The following SIL1 variants were observed in gnomAD, a reference collection of about 807,000 sequenced individuals.
SIL1 encodes the protein SIL1 nucleotide exchange factor.
A neutral mutation model predicts 49.1 loss-of-function variants in SIL1; 40 were observed. The observed-to-expected ratio is 0.81, with a 90% CI of 0.63 to 1.06. The LOEUF is 1.06. Ranked by LOEUF, SIL1 falls within the 50% of genes least tolerant of loss-of-function variation. SIL1 has a pLI of 0.00. For missense variants in SIL1, 500 were observed against 572.6 expected (o/e 0.87, Z 1.29); for synonymous variants, 253 against 250.8 (o/e 1.01, Z -0.08).
chr5:138,977,399 G>A (rs1767416940), intron 7 of SIL1, among the ~76,000 whole-genome samples: 1 of 152,098 alleles, frequency 6.6e-6, no homozygotes, highest in African/African-American at 2.4e-5. Flanking sequence ...AAGATAACAA[G>A]GTAGGCAGTG....
intron 1 of SIL1, among the ~76,000 whole-genome samples, chr5:139,169,606 C>A (rs1416913384): frequency 6.6e-6 from 1 of 151,754 alleles, no homozygotes; most frequent in Non-Finnish European, 1.5e-5. Context: ...CTCAGCCTCC[C>A]GAGTAGCTGG....
chr5:139,191,273 ACTT>A (rs1288471782), intron 1 of SIL1, among the ~76,000 whole-genome samples: 9 of 150,720 alleles, frequency 6.0e-5, no homozygotes, highest in Non-Finnish European at 1.0e-4. Context: ...CTTACAACTT[ACTT>A]ATGAGCTGGC....
chr5:139,122,701 G>C (rs565500974), intron 2 of SIL1, among the ~76,000 whole-genome samples: 9 of 152,226 alleles, frequency 5.9e-5, no homozygotes, highest in Non-Finnish European at 1.2e-4. Flanking sequence ...TAAGGTGCTG[G>C]TGATGCCAAT....
At chr5:139,062,292 T>C (rs1769608542) in intron 3 of SIL1, among the ~76,000 whole-genome samples, 1 of 152,186 alleles carries the variant, frequency 6.6e-6, no homozygotes, top group South Asian at 2.1e-4. Context: ...ATCATAGTCA[T>C]ATTTATGTAT....
chr5:139,062,533 G>C (rs10051381), intron 3 of SIL1, among the ~76,000 whole-genome samples: 22,680 of 151,888 alleles, frequency 0.15, 4,526 homozygotes, highest in African/African-American at 0.46. Flanking sequence ...CCATACCCTT[G>C]CACCACTACC....
intron 3 of SIL1, among the ~76,000 whole-genome samples, chr5:139,058,228 C>T (rs914181837): frequency 4.6e-5 from 7 of 151,786 alleles, no homozygotes; most frequent in South Asian, 2.1e-4. Context: ...CCATAGAAAC[C>T]GTAGATTAAT....
At chr5:139,194,876 A>C (rs572500089) in intron 1 of SIL1, among the ~76,000 whole-genome samples, 1 of 152,116 alleles carries the variant, frequency 6.6e-6, no homozygotes, top group South Asian at 2.1e-4. Context: ...ATCCACAAGT[A>C]TGTGAAAAAG....
chr5:139,021,635 G>A (rs1036666168), intron 6 of SIL1, among the ~76,000 whole-genome samples: 3 of 152,238 alleles, frequency 2.0e-5, no homozygotes, highest in Admixed American at 6.5e-5. Context: ...AGAATCTGGC[G>A]TCATCAGCAC....
intron 1 of SIL1, among the ~76,000 whole-genome samples, chr5:139,170,867 T>G: frequency 7.7e-6 from 1 of 130,276 alleles, no homozygotes; most frequent in Non-Finnish European, 1.6e-5. Context: ...GTCCGGGAGG[T>G]GAGGGGCGCC....
intron 7 of SIL1, among the ~76,000 whole-genome samples, chr5:138,976,309 T>C (rs1168518497): frequency 6.8e-6 from 1 of 147,070 alleles, no homozygotes; most frequent in African/African-American, 2.6e-5. Context: ...ATATTACCTC[T>C]CTTTTTTTTT....
chr5:139,128,341 C>T (rs961182301), intron 1 of SIL1, among the ~76,000 whole-genome samples: 1 of 152,160 alleles, frequency 6.6e-6, no homozygotes, highest in African/African-American at 2.4e-5. Context: ...AAACCTCTCA[C>T]ATCAGCTTTC....
chr5:139,101,897 C>T (rs564643769), intron 3 of SIL1, among the ~76,000 whole-genome samples: 3 of 152,094 alleles, frequency 2.0e-5, no homozygotes, highest in South Asian at 2.1e-4. Flanking sequence ...ATCCAGGGAC[C>T]ACATAGAGAA....
chr5:139,190,848 G>C (rs1038676123), intron 1 of SIL1, among the ~76,000 whole-genome samples: 9 of 152,086 alleles, frequency 5.9e-5, no homozygotes, highest in African/African-American at 2.2e-4. Flanking sequence ...TTAGACTTTA[G>C]CAGCTGGGTC....
intron 7 of SIL1, among the ~76,000 whole-genome samples, chr5:139,013,277 T>G (rs1224660177): frequency 6.6e-6 from 1 of 152,232 alleles, no homozygotes; most frequent in Middle Eastern, 3.2e-3. Flanking sequence ...TCAGAAGGCA[T>G]GTCAGACTCA....
intron 7 of SIL1, among the ~76,000 whole-genome samples, chr5:138,969,099 C>A (rs957452289): frequency 6.6e-6 from 1 of 152,054 alleles, no homozygotes; most frequent in African/African-American, 2.4e-5. Flanking sequence ...TATATAAAAC[C>A]AAGAAACAAA....
At chr5:138,993,695 A>G (rs1199267341) in intron 7 of SIL1, among the ~76,000 whole-genome samples, 2 of 152,226 alleles carry the variant, frequency 1.3e-5, no homozygotes, top group Non-Finnish European at 2.9e-5. Context: ...AACTGAGGGC[A>G]GCCTCCCACC....
intron 7 of SIL1, among the ~76,000 whole-genome samples, chr5:138,975,959 A>T (rs527608464): frequency 6.6e-6 from 1 of 152,254 alleles, no homozygotes; most frequent in Non-Finnish European, 1.5e-5. Flanking sequence ...ATAATTTGTT[A>T]TACAACAACA....
chr5:139,007,926 T>C (rs1464795760), intron 7 of SIL1, among the ~76,000 whole-genome samples: 4 of 151,512 alleles, frequency 2.6e-5, no homozygotes, highest in Non-Finnish European at 4.4e-5. Flanking sequence ...AATTCTCTTT[T>C]TTTGTTGTGT....
intron 7 of SIL1, among the ~76,000 whole-genome samples, chr5:138,991,296 A>G (rs1185077210): frequency 6.6e-6 from 1 of 152,254 alleles, no homozygotes; most frequent in Admixed American, 6.5e-5. Flanking sequence ...CTGAGAGAAA[A>G]TGGGATAGAA....
Sources: gnomAD v4.1 joint callset for allele counts (sites outside exome capture counted in the v4.1 genomes callset) on GRCh38, gnomAD v4.1.1 for gene constraint, MANE v1.5 for transcripts, NCBI Gene and HGNC (gene_info 2026-07-23, HGNC 2026-07-21) for gene names.